The following EFNA5 variants were observed in gnomAD, a reference collection of about 807,000 sequenced individuals.
EFNA5 encodes ephrin A5.
EFNA5 carries 5 observed loss-of-function variants against 22.9 expected under a neutral mutation model. That is an observed-to-expected ratio of 0.22 (90% CI 0.11 to 0.46). The LOEUF is 0.46. Ranked by LOEUF, EFNA5 falls within the 20% of genes least tolerant of loss-of-function variation. The probability of loss-of-function intolerance (pLI) is 0.99; values close to 1 mark genes in which losing one functional copy is unlikely to be tolerated. For missense variants in EFNA5, 237 were observed against 293.3 expected (o/e 0.81, Z 1.40); for synonymous variants, 113 against 112.2 (o/e 1.01, Z -0.04).
chr5:107,545,727 G>A (rs1262441005), intron 1 of EFNA5, among the ~76,000 whole-genome samples: 1 of 152,154 alleles, frequency 6.6e-6, no homozygotes, highest in Non-Finnish European at 1.5e-5. Context: ...AAATGCAAGG[G>A]AGTTTTGTTG....
rs1451551515 is a variant in EFNA5, at chr5:107,382,612, T to C, written c.566-1236A>G. ...AGTCTCAAACTCAGCCTCAACCAAC[T>C]TCCTCCCTTGGCCTCCCAAAGGATT... is the stretch of plus-strand genomic sequence containing the variant. On this transcript the variant is annotated intron_variant, in intron 4 of 4. Transcript: ENST00000333274. Among the ~76,000 whole-genome samples, 2 of 152,128 alleles carry C rather than the reference T, an allele frequency of 1.3e-5. 1 individual carries two copies. The highest frequency in any genetic ancestry group is 4.8e-5 in the African/African-American group (2 of 41,422).
intron 1 of EFNA5, among the ~76,000 whole-genome samples, chr5:107,547,454 C>G (rs1378167969): frequency 6.6e-6 from 1 of 151,668 alleles, no homozygotes; most frequent in Non-Finnish European, 1.5e-5. Flanking sequence ...AAGCTTTGTT[C>G]TAACAACAAA....
intron 1 of EFNA5, among the ~76,000 whole-genome samples, chr5:107,543,406 A>G (rs73198618): frequency 0.02 from 3,025 of 152,306 alleles, 97 homozygotes; most frequent in African/African-American, 0.067. Context: ...ATGCTATTTT[A>G]CCCCTACTTC....
At chr5:107,405,579 A>G (rs1314784217) in intron 2 of EFNA5, among the ~76,000 whole-genome samples, 2 of 152,210 alleles carry the variant, frequency 1.3e-5, no homozygotes, top group African/African-American at 2.4e-5. Flanking sequence ...CTGTTTGCCA[A>G]AAATTACTTA....
intron 1 of EFNA5, among the ~76,000 whole-genome samples, chr5:107,502,772 G>A (rs1747164155): frequency 6.6e-6 from 1 of 152,108 alleles, no homozygotes; most frequent in Non-Finnish European, 1.5e-5. Flanking sequence ...ACGACTCGCA[G>A]GCATACGACA....
intron 2 of EFNA5, among the ~76,000 whole-genome samples, chr5:107,401,444 T>G (rs1268732603): frequency 6.6e-6 from 1 of 152,220 alleles, no homozygotes; most frequent in Non-Finnish European, 1.5e-5. Flanking sequence ...ATATTTCTAT[T>G]CATTAACCCC....
intron 1 of EFNA5, among the ~76,000 whole-genome samples, chr5:107,523,013 C>T (rs138020380): frequency 6.6e-6 from 1 of 152,272 alleles, no homozygotes; most frequent in African/African-American, 2.4e-5. Context: ...ACAGATTCCA[C>T]AAGACAGATA....
At chr5:107,436,902 TCA>T (rs1046026751) in intron 1 of EFNA5, among the ~76,000 whole-genome samples, 52 of 152,178 alleles carry the variant, frequency 3.4e-4, no homozygotes, top group African/African-American at 1.3e-3. Context: ...TTCAGGCTAT[TCA>T]CAGTTTCAAA....
intron 1 of EFNA5, among the ~76,000 whole-genome samples, chr5:107,598,073 T>C (rs763839582): frequency 1.3e-5 from 2 of 152,172 alleles, no homozygotes; most frequent in Non-Finnish European, 2.9e-5. Context: ...TCTTCAAAGA[T>C]AATAGAAAAT....
In EFNA5 at chr5:107,380,459, G is replaced by A. The variant is rs1366995629; in HGVS notation, c.*796C>T. 1.0e-4 allele frequency: 16 copies of A among 159,842 alleles called. No homozygotes were observed. The highest frequency in any genetic ancestry group is 1.8e-4 in the Non-Finnish European group (15 of 81,734). 9.9% of individuals were successfully genotyped at this position (159,842 alleles called of 1,614,324 possible). On this transcript the variant is annotated 3_prime_UTR_variant, in exon 5 of 5. Coordinates refer to ENST00000333274, the MANE Select transcript of EFNA5 (RefSeq NM_001962.3). Reference sequence around the variant, plus strand: ...TATTCAAAGAAAAAATATCTGGTGTGCACTGCCCAGTCACCAAAAAAATTA... The same window carrying A: ...TATTCAAAGAAAAAATATCTGGTGTACACTGCCCAGTCACCAAAAAAATTA...
chr5:107,651,286 A>T (rs1321990094), intron 1 of EFNA5, among the ~76,000 whole-genome samples: 2 of 152,184 alleles, frequency 1.3e-5, no homozygotes, highest in African/African-American at 2.4e-5. Context: ...CAGGATTTTT[A>T]AAAATGATGA....
chr5:107,537,308 A>G (rs1747949433), intron 1 of EFNA5, among the ~76,000 whole-genome samples: 1 of 152,002 alleles, frequency 6.6e-6, no homozygotes, highest in African/African-American at 2.4e-5. Context: ...AGCCTGACCA[A>G]CATGGTGAAA....
chr5:107,536,907 C>T (rs561634304), intron 1 of EFNA5, among the ~76,000 whole-genome samples: 2 of 151,696 alleles, frequency 1.3e-5, no homozygotes, highest in Non-Finnish European at 2.9e-5. Context: ...GAGTTTGAGA[C>T]CATCCTGACT....
intron 2 of EFNA5, among the ~76,000 whole-genome samples, chr5:107,395,016 T>C (rs967565615): frequency 6.8e-6 from 1 of 147,448 alleles, no homozygotes; most frequent in Non-Finnish European, 1.5e-5. Flanking sequence ...TGTCCCCTTA[T>C]AAGAAGGATT....
intron 1 of EFNA5, among the ~76,000 whole-genome samples, chr5:107,452,311 C>T (rs149965026): frequency 3.9e-5 from 6 of 151,936 alleles, no homozygotes; most frequent in Admixed American, 1.3e-4. Flanking sequence ...CTGTACGTTC[C>T]GCACAAGTAT....
chr5:107,487,317 C>T (rs1395082224), intron 1 of EFNA5, among the ~76,000 whole-genome samples: 1 of 152,224 alleles, frequency 6.6e-6, no homozygotes, highest in Non-Finnish European at 1.5e-5. Flanking sequence ...TCCCTCAGCA[C>T]TTTGTGCATT....
chr5:107,432,795 A>G (rs1450736067), intron 1 of EFNA5, among the ~76,000 whole-genome samples: 1 of 152,170 alleles, frequency 6.6e-6, no homozygotes, highest in Non-Finnish European at 1.5e-5. Context: ...CCCTTGAGCA[A>G]CACGGGTTTG....
At chr5:107,387,168 G>GA (rs372259535) in intron 4 of EFNA5, 67 bp downstream of exon 4, 4 of 1,189,348 alleles carry the variant, frequency 3.4e-6, no homozygotes, top group Admixed American at 2.1e-5. Context: ...AAGAAGAAAG[G>GA]AAAAAAATAC....
intron 1 of EFNA5, among the ~76,000 whole-genome samples, chr5:107,480,036 C>G (rs1190188774): frequency 6.6e-6 from 1 of 152,158 alleles, no homozygotes; most frequent in African/African-American, 2.4e-5. Context: ...TTTAATTCTA[C>G]AATGTGATGT....
Sources: allele counts gnomAD v4.1 joint callset (sites outside exome capture counted in the v4.1 genomes callset), GRCh38; gene constraint gnomAD v4.1.1; transcripts MANE v1.5; gene names NCBI Gene and HGNC (gene_info 2026-07-23, HGNC 2026-07-21).